Variants in ASIC2 observed in about 807,000 individuals in gnomAD.
ASIC2 encodes the protein acid sensing ion channel subunit 2.
Under a neutral mutation model 57.3 loss-of-function variants are expected in ASIC2, and 25 were observed. The observed-to-expected ratio is 0.44, with a 90% CI of 0.32 to 0.61. The LOEUF is 0.61. Ranked by LOEUF, ASIC2 falls within the 20% of genes least tolerant of loss-of-function variation. The pLI, the probability that ASIC2 is intolerant of heterozygous loss-of-function variation, is 0.06. For missense variants in ASIC2, 641 were observed against 738.1 expected, an observed-to-expected ratio of 0.87 and a Z score of 1.52; for synonymous variants, 319 against 307.5, an observed-to-expected ratio of 1.04 and a Z score of -0.39.
At chr17:33,063,309 C>T (rs1254188021) in intron 3 of ASIC2, among the ~76,000 whole-genome samples, 3 of 152,162 alleles carry the variant, frequency 2.0e-5, no homozygotes, top group African/African-American at 7.2e-5. Context: ...CCAGCTGTTC[C>T]TTTCCATGTT....
chr17:34,005,403 T>C (rs1404248948), intron 1 of ASIC2: 2 of 152,176 alleles, frequency 1.3e-5, no homozygotes, highest in Non-Finnish European at 2.9e-5. Context: ...TTTAAAAAAG[T>C]TTTTAAAAGC....
At chr17:33,530,968 A>G (rs1915032985) in intron 1 of ASIC2, among the ~76,000 whole-genome samples, 1 of 152,192 alleles carries the variant, frequency 6.6e-6, no homozygotes, top group African/African-American at 2.4e-5. Flanking sequence ...TTCCCATTTT[A>G]CCAGTAGATA....
intron 1 of ASIC2, among the ~76,000 whole-genome samples, chr17:33,612,883 T>C (rs866077255): frequency 6.6e-6 from 1 of 152,350 alleles, no homozygotes; most frequent in Middle Eastern, 3.4e-3. Flanking sequence ...ACATTGCTGT[T>C]GTACTGGCTC....
chr17:33,199,089 AT>A (rs1489647246), intron 1 of ASIC2, among the ~76,000 whole-genome samples: 1 of 152,216 alleles, frequency 6.6e-6, no homozygotes, highest in Non-Finnish European at 1.5e-5. Flanking sequence ...AGTTAATTTT[AT>A]GGCAGAGATT....
intron 1 of ASIC2, among the ~76,000 whole-genome samples, chr17:34,012,405 C>T (rs911574164): frequency 1.3e-5 from 2 of 152,206 alleles, no homozygotes; most frequent in Non-Finnish European, 2.9e-5. Context: ...CACGGATTTT[C>T]CAGACTATTT....
At chr17:33,549,441 C>T (rs1183506167) in intron 1 of ASIC2, among the ~76,000 whole-genome samples, 1 of 152,158 alleles carries the variant, frequency 6.6e-6, no homozygotes, top group South Asian at 2.1e-4. Flanking sequence ...GACCATCTCT[C>T]CTTTTCAAAG....
At chr17:33,142,439 T>C (rs1487096554) in intron 1 of ASIC2, among the ~76,000 whole-genome samples, 1 of 152,248 alleles carries the variant, frequency 6.6e-6, no homozygotes, top group Non-Finnish European at 1.5e-5. Flanking sequence ...CCCTTCTCTG[T>C]CTTCAAAGGA....
At chr17:33,339,914 G>A (rs1033180677) in intron 1 of ASIC2, among the ~76,000 whole-genome samples, 4 of 152,126 alleles carry the variant, frequency 2.6e-5, no homozygotes, top group African/African-American at 9.7e-5. Flanking sequence ...GACCCCAACT[G>A]CTGCCTCTGA....
intron 1 of ASIC2, among the ~76,000 whole-genome samples, chr17:33,361,412 T>C (rs981814550): frequency 6.6e-6 from 1 of 152,180 alleles, no homozygotes; most frequent in Non-Finnish European, 1.5e-5. Context: ...GAGCTGTGGC[T>C]AGGAGAGTAA....
intron 2 of ASIC2, among the ~76,000 whole-genome samples, chr17:33,098,980 T>G (rs12602263): frequency 6.7e-6 from 1 of 148,760 alleles, no homozygotes; most frequent in South Asian, 2.1e-4. Flanking sequence ...AAACAAAAAA[T>G]ATATATATAA....
intron 1 of ASIC2, among the ~76,000 whole-genome samples, chr17:33,430,326 A>G (rs908959221): frequency 6.6e-6 from 1 of 152,076 alleles, no homozygotes; most frequent in Non-Finnish European, 1.5e-5. Context: ...AGAAACCCAA[A>G]TGCTCGATGG....
intron 1 of ASIC2, among the ~76,000 whole-genome samples, chr17:33,749,678 AC>A (rs1370802439): frequency 1.3e-5 from 2 of 152,058 alleles, no homozygotes; most frequent in Non-Finnish European, 2.9e-5. Context: ...GGAGAGGACG[AC>A]TGCCTCTCTT....
In ASIC2 at chr17:34,115,694, T is replaced by C. The variant is rs146044373; in HGVS notation, c.555+40284A>G. Among the ~76,000 whole-genome samples, 865 of 152,288 alleles carry C rather than the reference T, an allele frequency of 5.7e-3. 7 individuals carry two copies. The highest frequency in any genetic ancestry group is 0.019 in the African/African-American group (807 of 41,556). ...TCCAAATATTCCTCATATGGCTTTG[T>C]TCCTAGACCCTGTCCTATCCCACTT... is the stretch of plus-strand genomic sequence containing the variant. On this transcript the variant is annotated intron_variant, in intron 1 of 9. Transcript: ENST00000359872.
At chr17:34,015,828 CT>C (rs1265390001) in intron 1 of ASIC2, among the ~76,000 whole-genome samples, 11 of 152,330 alleles carry the variant, frequency 7.2e-5, no homozygotes, top group African/African-American at 2.6e-4. Context: ...AAACATTTTA[CT>C]AGTTGTGTGA....
chr17:33,727,646 C>G (rs772702693), intron 1 of ASIC2, among the ~76,000 whole-genome samples: 1 of 152,220 alleles, frequency 6.6e-6, no homozygotes, highest in Non-Finnish European at 1.5e-5. Flanking sequence ...TTCCCCCACA[C>G]CTTCTACCAT....
At chr17:33,224,798 G>A (rs1213688562) in intron 1 of ASIC2, among the ~76,000 whole-genome samples, 1 of 152,158 alleles carries the variant, frequency 6.6e-6, no homozygotes, top group African/African-American at 2.4e-5. Context: ...TATTAATGGG[G>A]ACTTCAGATC....
intron 1 of ASIC2, among the ~76,000 whole-genome samples, chr17:33,443,647 A>T (rs4586497): frequency 0.015 from 2,186 of 149,766 alleles, 66 homozygotes; most frequent in African/African-American, 0.051. Flanking sequence ...CGATCTCCTG[A>T]CCTCGTGATC....
chr17:33,309,458 A>G (rs148803956), intron 1 of ASIC2, among the ~76,000 whole-genome samples: 222 of 152,286 alleles, frequency 1.5e-3, no homozygotes, highest in African/African-American at 5.2e-3. Flanking sequence ...TGAGCCTGAG[A>G]CAGTTCACAT....
intron 1 of ASIC2, among the ~76,000 whole-genome samples, chr17:33,417,125 C>T (rs1910871227): frequency 6.6e-6 from 1 of 152,136 alleles, no homozygotes; most frequent in Non-Finnish European, 1.5e-5. Context: ...TGCAGACAGG[C>T]CTCGAACACA....
Sources: gnomAD v4.1 joint callset for allele counts (sites outside exome capture counted in the v4.1 genomes callset) on GRCh38, gnomAD v4.1.1 for gene constraint, MANE v1.5 for transcripts, NCBI Gene and HGNC (gene_info 2026-07-23, HGNC 2026-07-21) for gene names.